IL1RAPL1: variants seen among roughly 807,000 people sequenced by gnomAD.
The protein encoded by IL1RAPL1 is interleukin 1 receptor accessory protein like 1.
IL1RAPL1 carries 3 observed loss-of-function variants against 48.4 expected under a neutral mutation model. That is an observed-to-expected ratio of 0.06 (90% CI 0.03 to 0.16). The LOEUF (loss-of-function observed/expected upper bound fraction) is 0.16. Among genes scored for constraint, IL1RAPL1 ranks in the 10% least tolerant of loss-of-function variants. The pLI is 1.00. For synonymous variants in IL1RAPL1, 185 were observed against 187.7 expected (o/e 0.99, Z 0.12); for missense variants, 349 against 530.6 (o/e 0.66, Z 3.36).
chrX:28,844,681 A>G (rs943487981), intron 2 of IL1RAPL1, among the ~76,000 whole-genome samples: 1 of 111,105 alleles, frequency 9.0e-6, no homozygotes, highest in African/African-American at 3.3e-5. Context: ...GACTTCGCTG[A>G]AGTTTTCTGT....
chrX:29,013,551 T>C (rs1226050057), intron 2 of IL1RAPL1, among the ~76,000 whole-genome samples: 2 of 111,873 alleles, frequency 1.8e-5, no homozygotes, highest in Non-Finnish European at 3.8e-5. Flanking sequence ...AGGAATGAGA[T>C]CATGTCCTTT....
intron 2 of IL1RAPL1, among the ~76,000 whole-genome samples, chrX:29,202,658 C>A (rs181211682): frequency 2.6e-4 from 29 of 112,022 alleles, no homozygotes; most frequent in Non-Finnish European, 4.1e-4. Flanking sequence ...TACATATACA[C>A]CATGGAATAT....
At chrX:29,834,143 A>G (rs185601766) in intron 6 of IL1RAPL1, among the ~76,000 whole-genome samples, 1 of 112,673 alleles carries the variant, frequency 8.9e-6, no homozygotes, top group Non-Finnish European at 1.9e-5. Context: ...ATGTATGTGC[A>G]ATTAAGTGTA....
At chrX:28,775,488 T>C (rs1356450963) in intron 1 of IL1RAPL1, among the ~76,000 whole-genome samples, 1 of 111,907 alleles carries the variant, frequency 8.9e-6, no homozygotes, top group Admixed American at 9.5e-5. Flanking sequence ...TAATCTGTTA[T>C]GACCCCATCT....
chrX:29,712,322 T>A (rs958504980), intron 6 of IL1RAPL1, among the ~76,000 whole-genome samples: 1 of 111,326 alleles, frequency 9.0e-6, no homozygotes, highest in African/African-American at 3.3e-5. Flanking sequence ...ATTGAATGTA[T>A]ATGCTTCAGT....
At chrX:29,814,801 T>C (rs1322147272) in intron 6 of IL1RAPL1, among the ~76,000 whole-genome samples, 2 of 112,243 alleles carry the variant, frequency 1.8e-5, no homozygotes, top group Admixed American at 9.5e-5. Flanking sequence ...TGTGTATGGA[T>C]GGCCAGTTAT....
At chrX:29,356,943 A>G (rs765866463) in intron 3 of IL1RAPL1, among the ~76,000 whole-genome samples, 1 of 111,848 alleles carries the variant, frequency 8.9e-6, no homozygotes, top group African/African-American at 3.2e-5. Context: ...CCTCAGAGAA[A>G]TGTTTAAACT....
chrX:29,635,637 T>TA (rs966432674), intron 5 of IL1RAPL1, among the ~76,000 whole-genome samples: 6 of 110,637 alleles, frequency 5.4e-5, no homozygotes, highest in East Asian at 2.8e-4. Context: ...AACACATTGA[T>TA]AAAAAAATAT....
intron 5 of IL1RAPL1, among the ~76,000 whole-genome samples, chrX:29,639,493 G>A (rs1274479164): frequency 9.2e-6 from 1 of 108,372 alleles, no homozygotes; most frequent in Non-Finnish European, 1.9e-5. Flanking sequence ...TACAAAAGAT[G>A]TGCTGATGAT....
intron 2 of IL1RAPL1, among the ~76,000 whole-genome samples, chrX:29,065,476 C>T (rs1357087747): frequency 1.8e-5 from 2 of 111,655 alleles, no homozygotes; most frequent in African/African-American, 3.3e-5. Context: ...GTATTTGGCT[C>T]TTAGCATTTT....
intron 1 of IL1RAPL1, among the ~76,000 whole-genome samples, chrX:28,633,868 AT>A (rs1934428363): frequency 8.9e-6 from 1 of 112,053 alleles, no homozygotes; most frequent in East Asian, 2.8e-4. Flanking sequence ...TAATCGAAAA[AT>A]AATTGTGTAT....
chrX:28,905,397 G>T (rs1317055586), intron 2 of IL1RAPL1, among the ~76,000 whole-genome samples: 1 of 111,420 alleles, frequency 9.0e-6, no homozygotes, highest in Non-Finnish European at 1.9e-5. Flanking sequence ...TGCTAAAAAA[G>T]TTTTTCCTTT....
At chrX:29,165,135 G>A (rs1340853501) in intron 2 of IL1RAPL1, among the ~76,000 whole-genome samples, 2 of 111,860 alleles carry the variant, frequency 1.8e-5, no homozygotes, top group African/African-American at 6.5e-5. Context: ...CCTGGCCAAT[G>A]AGGTGAAACC....
intron 1 of IL1RAPL1, among the ~76,000 whole-genome samples, chrX:28,650,599 T>C (rs1041401857): frequency 8.9e-6 from 1 of 111,869 alleles, no homozygotes; most frequent in African/African-American, 3.2e-5. Context: ...AATTTTAGTT[T>C]GGGCAAGGCA....
At chrX:29,144,542 G>T (rs1929307202) in intron 2 of IL1RAPL1, among the ~76,000 whole-genome samples, 1 of 96,249 alleles carries the variant, frequency 1.0e-5, no homozygotes, top group South Asian at 5.5e-4. Context: ...GACAGAGATT[G>T]CAGTGAGCCG....
chrX:28,739,098 T>C (rs1935878311), intron 1 of IL1RAPL1, among the ~76,000 whole-genome samples: 2 of 111,315 alleles, frequency 1.8e-5, no homozygotes, highest in Admixed American at 1.9e-4. Context: ...ACAGCATTCC[T>C]CCTCTGGGTC....
At position 29,533,384 on chromosome X, in the gene IL1RAPL1, A is replaced by T. The variant is rs144153575; in HGVS notation, c.703+134076A>T. On this transcript the variant is annotated intron_variant, in intron 5 of 10. Transcript: ENST00000378993. ...ATACCATGTGGATTTTTTGTGACTG[A>T]TATTTTAGCATAATATTTGCAGGGT... Among the ~76,000 whole-genome samples, 103 of 112,182 alleles carry T rather than the reference A, an allele frequency of 9.2e-4. 1 individual carries two copies. Among genetic ancestry groups the T allele is most frequent in the African/African-American group, 3.1e-3 (95 of 30,896 alleles).
chrX:29,222,821 A>G (rs1312546310), intron 2 of IL1RAPL1, among the ~76,000 whole-genome samples: 1 of 111,466 alleles, frequency 9.0e-6, no homozygotes, highest in African/African-American at 3.3e-5. Context: ...GGCATCTTTT[A>G]AAGTGTAGCA....
At chrX:29,551,448 A>G (rs6628450) in intron 5 of IL1RAPL1, among the ~76,000 whole-genome samples, 5,565 of 112,137 alleles carry the variant, frequency 0.05, 140 homozygotes, top group East Asian at 0.19. Flanking sequence ...TGGAAGCTCA[A>G]TAAATATAAT....
Sources: allele counts gnomAD v4.1 joint callset (sites outside exome capture counted in the v4.1 genomes callset), GRCh38; gene constraint gnomAD v4.1.1; transcripts MANE v1.5; gene names NCBI Gene and HGNC (gene_info 2026-07-23, HGNC 2026-07-21).